The following SULF1 variants were observed in gnomAD, a reference collection of about 807,000 sequenced individuals.
The protein encoded by SULF1 is sulfatase 1.
A neutral mutation model predicts 110.5 loss-of-function variants in SULF1; 46 were observed. That is an observed-to-expected ratio of 0.42 (90% confidence interval 0.33 to 0.53). The LOEUF (loss-of-function observed/expected upper bound fraction) is 0.53, where lower values mean the gene tolerates loss of function less well. Among genes scored for constraint, SULF1 ranks in the 20% least tolerant of loss-of-function variants. The pLI is 0.12. For missense variants in SULF1, 941 were observed against 1,094.2 expected (o/e 0.86, Z 1.98); for synonymous variants, 371 against 387.1 (o/e 0.96, Z 0.49).
chr8:69,471,797 A>G (rs16935927), intron 1 of SULF1, among the ~76,000 whole-genome samples: 11,566 of 152,228 alleles, frequency 0.076, 1,417 homozygotes, highest in African/African-American at 0.26. Flanking sequence ...TGCATATCCA[A>G]TATTGTATGT....
chr8:69,480,522 G>A (rs1809473902), intron 1 of SULF1, among the ~76,000 whole-genome samples: 2 of 152,066 alleles, frequency 1.3e-5, no homozygotes, highest in South Asian at 2.1e-4. Context: ...CTCAAGTACT[G>A]GAACTTTCCC....
intron 1 of SULF1, among the ~76,000 whole-genome samples, chr8:69,493,617 T>G (rs771783090): frequency 1.2e-4 from 19 of 152,220 alleles, no homozygotes; most frequent in Non-Finnish European, 2.8e-4. Context: ...TTGTTGAAAG[T>G]TTCTTTTCAC....
intron 15 of SULF1, 103 bp from the exon 16 acceptor site, chr8:69,627,107 C>A: frequency 1.2e-6 from 1 of 846,326 alleles, no homozygotes; most frequent in Non-Finnish European, 1.9e-6. Flanking sequence ...CTGCATGTAT[C>A]AACATTAAGG....
intron 1 of SULF1, among the ~76,000 whole-genome samples, chr8:69,484,862 T>TCTTCTTCTTC (rs150917549): frequency 7.1e-6 from 1 of 141,830 alleles, no homozygotes; most frequent in African/African-American, 2.7e-5. Context: ...TTCTTCTTCT[T>TCTTCTTCTTC]TTCTTCCTCC....
chr8:69,617,809 C>T (rs922167031), intron 13 of SULF1, among the ~76,000 whole-genome samples: 8 of 152,106 alleles, frequency 5.3e-5, no homozygotes, highest in Non-Finnish European at 1.2e-4. Context: ...CGCACATAGT[C>T]CTGAAAGCAT....
intron 5 of SULF1, among the ~76,000 whole-genome samples, chr8:69,567,316 T>G (rs1371777363): frequency 6.6e-6 from 1 of 152,200 alleles, no homozygotes; most frequent in Non-Finnish European, 1.5e-5. Context: ...TCTAGAACAT[T>G]ATTGCTCTAG....
chr8:69,612,759 T>G (rs138119064), intron 13 of SULF1, among the ~76,000 whole-genome samples: 2 of 152,226 alleles, frequency 1.3e-5, no homozygotes, highest in Admixed American at 1.3e-4. Context: ...ATTAGTCCTT[T>G]GTTGGATGCA....
chr8:69,587,580 T>C (rs892773349), intron 7 of SULF1, among the ~76,000 whole-genome samples: 3 of 152,182 alleles, frequency 2.0e-5, no homozygotes, highest in African/African-American at 7.2e-5. Context: ...AATGTCCTCA[T>C]TTGCAAAGAT....
intron 8 of SULF1, among the ~76,000 whole-genome samples, chr8:69,594,496 G>A (rs1380483270): frequency 6.6e-6 from 1 of 152,132 alleles, no homozygotes; most frequent in Non-Finnish European, 1.5e-5. Flanking sequence ...GCACTAATTT[G>A]CAAGAGTTGT....
At chr8:69,490,558 GC>G (rs1809893964), upstream of SULF1, among the ~76,000 whole-genome samples, 1 of 152,120 alleles carries the variant, frequency 6.6e-6, no homozygotes, top group African/African-American at 2.4e-5. Flanking sequence ...AGATTGCCTG[GC>G]CTCCCTCACA....
chr8:69,508,291 G>A (rs1811330972), intron 3 of SULF1, among the ~76,000 whole-genome samples: 1 of 152,104 alleles, frequency 6.6e-6, no homozygotes, highest in African/African-American at 2.4e-5. Flanking sequence ...TTTTGGTAGA[G>A]ACGGGGTTTC....
chr8:69,528,760 G>A (rs1369021310), intron 3 of SULF1, among the ~76,000 whole-genome samples: 1 of 152,192 alleles, frequency 6.6e-6, no homozygotes, highest in East Asian at 1.9e-4. Flanking sequence ...AAGCAGGGAA[G>A]AAAGCAGGCA....
intron 1 of SULF1, among the ~76,000 whole-genome samples, chr8:69,483,948 A>G (rs941614502): frequency 1.3e-5 from 2 of 152,232 alleles, no homozygotes; most frequent in Non-Finnish European, 2.9e-5. Flanking sequence ...TACATTATCT[A>G]ATTTAATTTA....
At chr8:69,521,633 G>T (rs949025648) in intron 3 of SULF1, among the ~76,000 whole-genome samples, 7 of 152,116 alleles carry the variant, frequency 4.6e-5, no homozygotes, top group Non-Finnish European at 1.5e-5. Flanking sequence ...GAGCAAATGG[G>T]AGAGTGGTAG....
At chr8:69,646,008 C>G (rs1357097692) in intron 22 of SULF1, among the ~76,000 whole-genome samples, 1 of 151,996 alleles carries the variant, frequency 6.6e-6, no homozygotes, top group Non-Finnish European at 1.5e-5. Flanking sequence ...ATTTTCTAAG[C>G]TAAAATGTCA....
At chr8:69,598,099 C>T (rs1807482665) in intron 8 of SULF1, among the ~76,000 whole-genome samples, 1 of 127,630 alleles carries the variant, frequency 7.8e-6, no homozygotes. Flanking sequence ...ATATGAAGAA[C>T]TCTTTCAGGC....
intron 3 of SULF1, among the ~76,000 whole-genome samples, chr8:69,533,167 G>C (rs1474386584): frequency 6.6e-6 from 1 of 152,180 alleles, no homozygotes; most frequent in Non-Finnish European, 1.5e-5. Context: ...TTGGGCAGTG[G>C]AAAATGGTAA....
At chr8:69,564,362 G>T (rs1180058992) in intron 5 of SULF1, among the ~76,000 whole-genome samples, 1 of 152,202 alleles carries the variant, frequency 6.6e-6, no homozygotes, top group Non-Finnish European at 1.5e-5. Context: ...GTCGGGGAAG[G>T]GGCCTGGGGG....
At chr8:69,541,313 A>G (rs1813840039) in intron 3 of SULF1, among the ~76,000 whole-genome samples, 1 of 152,234 alleles carries the variant, frequency 6.6e-6, no homozygotes, top group African/African-American at 2.4e-5. Context: ...CAAAGGCAAC[A>G]TGGCACTTCC....
Sources: gnomAD v4.1 joint callset for allele counts (sites outside exome capture counted in the v4.1 genomes callset) on GRCh38, gnomAD v4.1.1 for gene constraint, MANE v1.5 for transcripts, NCBI Gene and HGNC (gene_info 2026-07-23, HGNC 2026-07-21) for gene names.